The following OPCML variants were observed in gnomAD, a reference collection of about 807,000 sequenced individuals.
OPCML encodes the protein opioid binding protein/cell adhesion molecule like, also known as opioid-binding protein/cell adhesion molecule.
Under a neutral mutation model 37.8 loss-of-function variants are expected in OPCML, and 13 were observed. The observed-to-expected ratio is 0.34, with a 90% CI of 0.22 to 0.55. OPCML has a LOEUF of 0.55. Ranked by LOEUF, OPCML falls within the 20% of genes least tolerant of loss-of-function variation. OPCML has a pLI of 0.91. For missense variants in OPCML, 341 were observed against 435.6 expected (o/e 0.78, Z 1.93); for synonymous variants, 176 against 168.8 (o/e 1.04, Z -0.33).
At chr11:132,774,248 C>T (rs1482338834) in intron 2 of OPCML, among the ~76,000 whole-genome samples, 1 of 152,196 alleles carries the variant, frequency 6.6e-6, no homozygotes, top group East Asian at 1.9e-4. Context: ...CCTGGTCTAC[C>T]CTGCCCTGCT....
Position 133,398,038 on chromosome 11 carries a change from C to T in OPCML, c.61+134226G>A, listed in dbSNP as rs565713545. ...TATGCTCTCACCTAGTCCCTCTTGTCGCCAAGGGCAAGCTCCAGCAGAAAC... is the reference window on the plus strand; with the variant it reads ...TATGCTCTCACCTAGTCCCTCTTGTTGCCAAGGGCAAGCTCCAGCAGAAAC... On this transcript the variant is annotated intron_variant, in intron 1 of 7. Transcript: ENST00000524381. Among the ~76,000 whole-genome samples, 8 of 152,290 alleles carry T rather than the reference C, an allele frequency of 5.3e-5. No homozygotes were observed. In the South Asian group the frequency reaches 6.2e-4, roughly 12 times the overall value.
At chr11:133,244,499 A>G (rs747496858) in intron 1 of OPCML, among the ~76,000 whole-genome samples, 1 of 152,130 alleles carries the variant, frequency 6.6e-6, no homozygotes, top group Non-Finnish European at 1.5e-5. Flanking sequence ...CCTGGAATAC[A>G]CATGGTCTGG....
chr11:132,630,734 C>G (rs536540606), intron 3 of OPCML, among the ~76,000 whole-genome samples: 1 of 152,102 alleles, frequency 6.6e-6, no homozygotes, highest in Non-Finnish European at 1.5e-5. Context: ...ATAAACTTCA[C>G]CATCTATCTC....
At chr11:133,070,248 G>A (rs913532819) in intron 1 of OPCML, among the ~76,000 whole-genome samples, 1 of 152,138 alleles carries the variant, frequency 6.6e-6, no homozygotes, top group Non-Finnish European at 1.5e-5. Context: ...GCATAAATTT[G>A]CATAATAATT....
intron 1 of OPCML, among the ~76,000 whole-genome samples, chr11:133,453,376 G>A (rs1046434712): frequency 1.3e-5 from 2 of 152,150 alleles, no homozygotes; most frequent in African/African-American, 2.4e-5. Context: ...TTGGATGCTA[G>A]AATGTTAAAC....
At chr11:132,658,814 T>C (rs980245896) in intron 2 of OPCML, among the ~76,000 whole-genome samples, 2 of 152,228 alleles carry the variant, frequency 1.3e-5, no homozygotes, top group African/African-American at 4.8e-5. Flanking sequence ...CACCCCATGG[T>C]GATTTGCTAG....
intron 2 of OPCML, among the ~76,000 whole-genome samples, chr11:132,900,845 A>G (rs1199212388): frequency 6.6e-6 from 1 of 152,164 alleles, no homozygotes; most frequent in Admixed American, 6.5e-5. Flanking sequence ...GTGGCTCTCC[A>G]TTCAATCCAC....
Position 132,943,334 on chromosome 11 carries a change from T to C in OPCML, c.62-324A>G. 1 of 585,704 alleles carries C rather than the reference T, an allele frequency of 1.7e-6. No homozygotes were observed. The highest frequency in any genetic ancestry group is 3.0e-5 in the Admixed American group (1 of 32,986). The allele number at this position is 585,704 out of a possible 1,614,324, so 36.3% of individuals were successfully genotyped here. On this transcript the variant is annotated intron_variant, in intron 1 of 7. Coordinates refer to ENST00000524381, the MANE Select transcript of OPCML (RefSeq NM_001012393.5). This position sits in a 1 kb window ranked among gnomAD's most constrained non-coding sequence, Gnocchi z 4.3. ...CCCCTCCTGCATCCAAAAAGAGCTT[T>C]CTTGACGCTCCCCTGGGGAGGAGGG...
At chr11:133,369,028 T>C (rs1173013700) in intron 1 of OPCML, among the ~76,000 whole-genome samples, 1 of 152,256 alleles carries the variant, frequency 6.6e-6, no homozygotes, top group Non-Finnish European at 1.5e-5. Context: ...TTCTTCATGA[T>C]AGGCAGAATG....
chr11:133,309,071 A>G (rs1943005317), intron 1 of OPCML, among the ~76,000 whole-genome samples: 1 of 152,234 alleles, frequency 6.6e-6, no homozygotes, highest in Non-Finnish European at 1.5e-5. Flanking sequence ...GCACCATTAG[A>G]AGTTTACAGT....
chr11:132,933,218 T>C (rs1945267403), intron 2 of OPCML, among the ~76,000 whole-genome samples: 1 of 152,176 alleles, frequency 6.6e-6, no homozygotes, highest in African/African-American at 2.4e-5. Context: ...CCCTTCATCC[T>C]GAGATGGAAT....
intron 1 of OPCML, among the ~76,000 whole-genome samples, chr11:133,224,590 G>A (rs1655617863): frequency 6.6e-6 from 1 of 152,188 alleles, no homozygotes; most frequent in Non-Finnish European, 1.5e-5. Flanking sequence ...CCAAAGAGAT[G>A]GTTGTCATTC....
At chr11:132,856,381 G>GACTC (rs1215997920) in intron 2 of OPCML, among the ~76,000 whole-genome samples, 1 of 152,216 alleles carries the variant, frequency 6.6e-6, no homozygotes, top group Non-Finnish European at 1.5e-5. Context: ...GATTGTGTTA[G>GACTC]GGTAAGTAGT....
At chr11:132,902,296 T>C (rs1040959152) in intron 2 of OPCML, among the ~76,000 whole-genome samples, 3 of 152,154 alleles carry the variant, frequency 2.0e-5, no homozygotes. Context: ...GTCAGGGCTC[T>C]TGGGAATGAG....
At chr11:132,631,528 C>T (rs1359033222) in intron 3 of OPCML, among the ~76,000 whole-genome samples, 1 of 150,854 alleles carries the variant, frequency 6.6e-6, no homozygotes, top group Non-Finnish European at 1.5e-5. Flanking sequence ...GGCAAGATCT[C>T]GGCTCACTGC....
chr11:132,968,712 C>T lies in OPCML; in HGVS notation c.62-25702G>A, dbSNP rs75474283. On this transcript the variant is annotated intron_variant, in intron 1 of 7. Coordinates refer to ENST00000524381, the MANE Select transcript of OPCML (RefSeq NM_001012393.5). ...AGCATATCATTAATCTTTTATCTTG[C>T]AATCTTGCTATGATTGCTTATTAGT... Among the ~76,000 whole-genome samples the T allele has an allele frequency of 2.0e-5, 3 of 152,290 alleles. No homozygotes were observed. The East Asian group carries it at 5.8e-4, about 29-fold the overall frequency.
rs115817929 is a variant in OPCML at position 133,036,400 on chromosome 11, A to G, written c.62-93390T>C. Reference sequence around the variant, plus strand: ...CACGGTCTAGTGAGAGAAATGTTAAATTTTATTGTTAGCATTTGTTTACAT... The same window carrying G: ...CACGGTCTAGTGAGAGAAATGTTAAGTTTTATTGTTAGCATTTGTTTACAT... On this transcript the variant is annotated intron_variant, in intron 1 of 7. Coordinates refer to ENST00000524381, the MANE Select transcript of OPCML (RefSeq NM_001012393.5). Among the ~76,000 whole-genome samples the G allele has an allele frequency of 1.4e-3, 216 of 152,364 alleles. 1 individual carries two copies. Among genetic ancestry groups the G allele is most frequent in the African/African-American group, 5.0e-3 (209 of 41,592 alleles).
At chr11:132,502,266 G>T (rs1472567642) in intron 4 of OPCML, among the ~76,000 whole-genome samples, 2 of 152,094 alleles carry the variant, frequency 1.3e-5, no homozygotes, top group African/African-American at 4.8e-5. Context: ...CCATCTTGTT[G>T]TCTTTGGTCC....
At chr11:133,224,988 CT>C (rs1939983524) in intron 1 of OPCML, among the ~76,000 whole-genome samples, 1 of 152,166 alleles carries the variant, frequency 6.6e-6, no homozygotes, top group South Asian at 2.1e-4. Context: ...GAAATCAACG[CT>C]TGCAGTCATC....
Sources: gnomAD v4.1 joint callset for allele counts (sites outside exome capture counted in the v4.1 genomes callset) on GRCh38, gnomAD v4.1.1 for gene constraint, Gnocchi (gnomAD v3.1) non-coding constraint, MANE v1.5 for transcripts, NCBI Gene and HGNC (gene_info 2026-07-23, HGNC 2026-07-21) for gene names.